PTPN9: variants seen among roughly 807,000 people sequenced by gnomAD.
PTPN9 encodes the protein tyrosine-protein phosphatase non-receptor type 9.
In PTPN9, 26 loss-of-function variants were observed where a neutral mutation model predicts 69.8. That is an observed-to-expected ratio of 0.37 (90% CI 0.27 to 0.52). PTPN9 has a LOEUF of 0.52. Ranked by LOEUF, PTPN9 falls within the 20% of genes least tolerant of loss-of-function variation. The pLI is 0.91. For missense variants in PTPN9, 549 were observed against 740.3 expected (o/e 0.74, Z 3.00); for synonymous variants, 274 against 272.5 (o/e 1.01, Z -0.05).
At chr15:75,525,262 A>G (rs1206577161) in intron 2 of PTPN9, among the ~76,000 whole-genome samples, 1 of 150,982 alleles carries the variant, frequency 6.6e-6, no homozygotes, top group Non-Finnish European at 1.5e-5. Flanking sequence ...GTGCAGTGGC[A>G]TGATCTTGGC....
chr15:75,474,451 G>A (rs1353634904), intron 9 of PTPN9, among the ~76,000 whole-genome samples: 3 of 152,040 alleles, frequency 2.0e-5, no homozygotes, highest in African/African-American at 4.8e-5. Context: ...CCCGGGAGGT[G>A]GAGGTTGCAG....
Position 75,463,786 on chromosome 15 carries a change from G to A in PTPN9, c.*4983C>T, listed in dbSNP as rs2074525968. 1.3e-5 allele frequency: 2 copies of A among 152,200 alleles called. No individual in the cohort carries two copies. Among genetic ancestry groups the A allele is most frequent in the Admixed American group, 1.3e-4 (2 of 15,272 alleles). 9.4% of individuals were successfully genotyped at this position (152,200 alleles called of 1,614,324 possible). On this transcript the variant is annotated 3_prime_UTR_variant, in exon 13 of 13. Coordinates refer to ENST00000618819, the MANE Select transcript of PTPN9 (RefSeq NM_002833.4). Reference sequence around the variant, plus strand: ...AGTCTAGAACACTTGATATTCACAAGTGTTGTGTAAAGGTAACTATAGGGC... The same window carrying A: ...AGTCTAGAACACTTGATATTCACAAATGTTGTGTAAAGGTAACTATAGGGC...
chr15:75,468,861 A>C lies in PTPN9; in HGVS notation c.1690T>G (p.Tyr564Asp), dbSNP rs759071179. The stretch of plus-strand genomic sequence containing the variant: ...AGGATGGCCTTGTAGCAAAAATAGT[A>C]CTGCTCAGGGGTCTGGATGCTGAAG... ...RAFSIQTPEQ[Y>D]YFCYKAILEF... Residue 564 changes from tyrosine to aspartate, a missense_variant, in exon 13 of 13, where the codon TAC becomes GAC. By Grantham distance (160) the Tyr-to-Asp change is radical (BLOSUM62 -3). This residue lies in a region of PTPN9 where 457 missense variants were observed against 661.9 expected (regional missense o/e 0.69). Coordinates refer to ENST00000618819, the MANE Select transcript of PTPN9 (RefSeq NM_002833.4). 6.2e-7 allele frequency: 1 copy of C among 1,614,116 alleles called. No individual in the cohort carries two copies. The highest frequency in any genetic ancestry group is 8.5e-7 in the Non-Finnish European group (1 of 1,180,000).
intron 7 of PTPN9, among the ~76,000 whole-genome samples, chr15:75,504,348 C>A (rs2074800578): frequency 8.2e-6 from 1 of 121,822 alleles, no homozygotes; most frequent in South Asian, 2.7e-4. Flanking sequence ...AGGAGCCCCT[C>A]TGCCGGGCCA....
chr15:75,512,878 T>C lies in PTPN9; in HGVS notation c.529-3851A>G, dbSNP rs1441836303. The C allele has an allele frequency of 9.5e-6, 3 of 316,724 alleles. No homozygotes were observed. The East Asian group carries it at 2.4e-4, about 25-fold the overall frequency. The allele number at this position is 316,724 out of a possible 1,614,324, so 19.6% of individuals were successfully genotyped here. Reference sequence around the variant, plus strand: ...ATGTCCAGACAATACCCCAACTATGTATTCTTCTGTATTTGCAAGCTACAT... The same window carrying C: ...ATGTCCAGACAATACCCCAACTATGCATTCTTCTGTATTTGCAAGCTACAT... On this transcript the variant is annotated intron_variant, in intron 5 of 12. Transcript: ENST00000618819.
At chr15:75,510,737 A>T (rs1016175855) in intron 5 of PTPN9, among the ~76,000 whole-genome samples, 11 of 152,026 alleles carry the variant, frequency 7.2e-5, no homozygotes, top group African/African-American at 2.7e-4. Flanking sequence ...AACAAAATTG[A>T]CCTTTTAAAC....
intron 1 of PTPN9, among the ~76,000 whole-genome samples, chr15:75,573,901 G>A (rs534477203): frequency 6.6e-6 from 1 of 152,182 alleles, no homozygotes; most frequent in Non-Finnish European, 1.5e-5. Context: ...ATCAAGGAAG[G>A]CCTTCCAAGG....
chr15:75,532,666 G>A (rs1002562523), intron 1 of PTPN9, among the ~76,000 whole-genome samples: 10 of 152,320 alleles, frequency 6.6e-5, no homozygotes, highest in Admixed American at 1.3e-4. Context: ...GGCCTTGCAT[G>A]TAGAGTCCAG....
chr15:75,548,814 C>A (rs981849322), intron 1 of PTPN9, among the ~76,000 whole-genome samples: 1 of 151,462 alleles, frequency 6.6e-6, no homozygotes, highest in African/African-American at 2.4e-5. Context: ...CCACCACGCC[C>A]GGCTAATTTT....
chr15:75,549,951 G>A (rs948770244), intron 1 of PTPN9, among the ~76,000 whole-genome samples: 2 of 152,002 alleles, frequency 1.3e-5, no homozygotes, highest in Non-Finnish European at 1.5e-5. Context: ...TCTTGCCTGA[G>A]TGACCGAGTA....
chr15:75,524,707 G>T (rs2074919637), intron 2 of PTPN9, among the ~76,000 whole-genome samples: 1 of 149,098 alleles, frequency 6.7e-6, no homozygotes, highest in Non-Finnish European at 1.5e-5. Flanking sequence ...GAACCCAGAA[G>T]GTGGAGGTTG....
At position 75,490,274 on chromosome 15, in the gene PTPN9, A is replaced by G. The variant is rs1213747947; in HGVS notation, c.996T>C (p.Arg332=). The part of the protein sequence containing the change: ...SMSPGNLEKN[R]YGDVPCLDQT... Reference sequence around the variant, plus strand: ...GGTCCAGGCAGGGTACATCCCCATAACGGTTTTTCTCTAGGTTTCCTGGAG... The same window carrying G: ...GGTCCAGGCAGGGTACATCCCCATAGCGGTTTTTCTCTAGGTTTCCTGGAG... Residue 332 remains arginine (R), a synonymous_variant, in exon 8 of 13, where the codon CGT becomes CGC. Transcript: ENST00000618819. 6.2e-7 allele frequency: 1 copy of G among 1,613,452 alleles called. No homozygotes were observed. Among genetic ancestry groups the G allele is most frequent in the Non-Finnish European group, 8.5e-7 (1 of 1,179,516 alleles).
At chr15:75,562,910 T>G (rs1022828035) in intron 1 of PTPN9, among the ~76,000 whole-genome samples, 1 of 151,966 alleles carries the variant, frequency 6.6e-6, no homozygotes, top group Non-Finnish European at 1.5e-5. Flanking sequence ...AGCAAACATA[T>G]TTTAGTTTGT....
At chr15:75,573,435 C>T (rs1162476556) in intron 1 of PTPN9, among the ~76,000 whole-genome samples, 3 of 152,164 alleles carry the variant, frequency 2.0e-5, no homozygotes, top group African/African-American at 4.8e-5. Context: ...AAACAAGAAA[C>T]ACCAAAGTTA....
chr15:75,485,592 G>C (rs1346458638), intron 8 of PTPN9, among the ~76,000 whole-genome samples: 1 of 147,820 alleles, frequency 6.8e-6, no homozygotes, highest in Admixed American at 6.7e-5. Flanking sequence ...GGATGGTCTT[G>C]ATCTCCTGAC....
rs113854779 is a variant in PTPN9 at position 75,527,244 on chromosome 15, G to A, written c.81C>T (p.Leu27=). 1.1e-5 allele frequency: 18 copies of A among 1,614,018 alleles called. No homozygotes were observed. The highest frequency in any genetic ancestry group is 9.3e-5 in the African/African-American group (7 of 75,016). The change falls in exon 2 of 13, where the codon CTC becomes CTT. Residue 27 remains leucine, a synonymous_variant. Transcript: ENST00000618819. ...GAACTGTCCACTTGTTAATCTCTTCGAGAAACTGCTTGGTAGCCTGTTTGA... is the reference window on the plus strand; with the variant it reads ...GAACTGTCCACTTGTTAATCTCTTCAAGAAACTGCTTGGTAGCCTGTTTGA... ...PEEEQATKQF[L]EEINKWTVQY...
chr15:75,578,776 TC>T lies in PTPN9; in HGVS notation c.-1del, dbSNP rs746791904. 1.4e-5 allele frequency: 17 copies of T among 1,248,106 alleles called. No individual in the cohort carries two copies. The East Asian group carries it at 2.3e-4, about 17-fold the overall frequency. 77.3% of individuals were successfully genotyped at this position (1,248,106 alleles called of 1,614,324 possible). A position where few individuals can be genotyped will look rare whatever the true frequency, so the allele number is the denominator to read the frequency against. On this transcript the variant is annotated 5_prime_UTR_variant, in exon 1 of 13. Transcript: ENST00000618819. ...GGCCGGGGCGCGGTCGCGGGCTCCA[TC>T]CCCCCGCCACCGCCGCCGGGCGGAC...
intron 1 of PTPN9, among the ~76,000 whole-genome samples, chr15:75,569,565 C>T (rs1279213498): frequency 2.0e-5 from 3 of 149,938 alleles, no homozygotes; most frequent in African/African-American, 7.4e-5. Flanking sequence ...ATTAGCTGGG[C>T]GTGGTGGCGG....
rs181634355 is a variant in PTPN9 at position 75,569,766 on chromosome 15, T to C, written c.63+8948A>G. The stretch of plus-strand genomic sequence containing the variant: ...ATTCATAAGTACTAGGTTGGGTTCC[T>C]TAGAGAAAACCTCCAGGCCACTTAA... On this transcript the variant is annotated intron_variant, in intron 1 of 12. Transcript: ENST00000618819. 2.0e-5 allele frequency among the ~76,000 whole-genome samples: 3 copies of C among 151,936 alleles called. No individual in the cohort carries two copies. The East Asian group carries it at 5.8e-4, about 29-fold the overall frequency.
Sources: allele counts gnomAD v4.1 joint callset (sites outside exome capture counted in the v4.1 genomes callset), GRCh38; gene constraint gnomAD v4.1.1; regional missense constraint gnomAD v4.1.1; transcripts MANE v1.5; gene names NCBI Gene and HGNC (gene_info 2026-07-23, HGNC 2026-07-21).